The following WASF3 variants were observed in gnomAD, a reference collection of about 807,000 sequenced individuals.
WASF3 encodes actin-binding protein WASF3.
In WASF3, 11 loss-of-function variants were observed where a neutral mutation model predicts 46.6. The ratio of observed to expected loss-of-function variants is 0.24; its 90% confidence interval spans 0.15 to 0.39. The LOEUF is 0.39. Among genes scored for constraint, WASF3 ranks in the 10% least tolerant of loss-of-function variants. The pLI is 1.00. For missense variants in WASF3, 576 were observed against 669.8 expected, an observed-to-expected ratio of 0.86 and a Z score of 1.55; for synonymous variants, 242 against 259.7, an observed-to-expected ratio of 0.93 and a Z score of 0.65.
chr13:26,650,968 T>A (rs9507754), intron 3 of WASF3, among the ~76,000 whole-genome samples: 71,957 of 151,974 alleles, frequency 0.47, 18,010 homozygotes, highest in Non-Finnish European at 0.57. Flanking sequence ...AGAGCAGAAG[T>A]AGTAATGGAA....
At chr13:26,668,580 C>T (rs1179213820) in intron 5 of WASF3, among the ~76,000 whole-genome samples, 1 of 152,248 alleles carries the variant, frequency 6.6e-6, no homozygotes, top group Non-Finnish European at 1.5e-5. Context: ...CCCTTTGGCC[C>T]ATCTCAGGGA....
At chr13:26,563,494 A>G (rs980212529) in intron 1 of WASF3, among the ~76,000 whole-genome samples, 3 of 152,036 alleles carry the variant, frequency 2.0e-5, no homozygotes, top group African/African-American at 7.2e-5. Context: ...GTCTCTACTA[A>G]AAATACAAAA....
chr13:26,552,450 T>TG, the WASF3 span, among the ~76,000 whole-genome samples: 962 of 152,332 alleles, frequency 6.3e-3, 14 homozygotes, highest in African/African-American at 0.022. Context: ...ATTTTATTCT[T>TG]TGAGACGTAG....
upstream of WASF3, among the ~76,000 whole-genome samples, chr13:26,557,356 A>G (rs1029308877): frequency 1.3e-5 from 2 of 152,178 alleles, no homozygotes; most frequent in Admixed American, 6.5e-5. Context: ...GCGCAAACTC[A>G]AAGGTACTGT....
At chr13:26,616,509 C>T (rs1458580170) in intron 2 of WASF3, among the ~76,000 whole-genome samples, 1 of 152,056 alleles carries the variant, frequency 6.6e-6, no homozygotes, top group African/African-American at 2.4e-5. Context: ...AGATCTTTAT[C>T]AGATATATGA....
rs73164197 is a variant in WASF3, at chr13:26,559,453, A to G, written c.-109+1634A>G. Among the ~76,000 whole-genome samples the G allele has an allele frequency of 9.7e-3, 1,475 of 152,340 alleles. 15 individuals are homozygous for G. Among genetic ancestry groups the G allele is most frequent in the South Asian group, 0.02 (97 of 4,822 alleles). On this transcript the variant is annotated intron_variant, in intron 1 of 9. Transcript: ENST00000335327. ...CTAATAGTCAATGATGTGCTTCACT[A>G]TCTTCAACAATTACGAAAACAAAGG...
intron 2 of WASF3, among the ~76,000 whole-genome samples, chr13:26,619,206 A>G (rs990151955): frequency 6.6e-6 from 1 of 152,248 alleles, no homozygotes; most frequent in Non-Finnish European, 1.5e-5. Flanking sequence ...CAACCTGCTT[A>G]TAAGTGTCTC....
Position 26,665,144 on chromosome 13 carries a change from G to A in WASF3, c.250G>A (p.Asp84Asn). 6.2e-7 allele frequency: 1 copy of A among 1,614,002 alleles called. No homozygotes were observed. The highest frequency in any genetic ancestry group is 1.1e-5 in the South Asian group (1 of 91,078). The change falls in exon 4 of 10, where the codon GAT becomes AAT. Residue 84 changes from aspartate (D) to asparagine (N), a missense_variant. Around this residue, in one of 3 missense-constraint regions of WASF3, gnomAD observed 213 missense variants for 278.0 expected, o/e 0.77. Transcript: ENST00000335327. ...DRLAVKVTQL[D>N]STVEEVSLQD... ...CCTTGCTGTCAAAGTCACCCAGCTG[G>A]ATTCAACAGTGGAAGAGGGTAGGTA...
rs1374582155 is a variant in WASF3 at position 26,687,796 on chromosome 13, A to C, written c.*1951A>C. 4.7e-5 allele frequency: 7 copies of C among 147,424 alleles called. No individual in the cohort carries two copies. Among genetic ancestry groups the C allele is most frequent in the Admixed American group, 4.7e-4 (7 of 14,750 alleles). The allele number at this position is 147,424 out of a possible 1,614,324, so 9.1% of individuals were successfully genotyped here. The stretch of plus-strand genomic sequence containing the variant: ...TATTCTTAGGACTTCTGCAACTTTT[A>C]AAGTCTTACTTGTCTTTCTTGTTGC... On this transcript the variant is annotated 3_prime_UTR_variant, in exon 10 of 10. Transcript: ENST00000335327.
At chr13:26,662,501 A>G (rs1314892514) in intron 3 of WASF3, among the ~76,000 whole-genome samples, 2 of 152,248 alleles carry the variant, frequency 1.3e-5, no homozygotes, top group Non-Finnish European at 2.9e-5. Context: ...TTGCAGCAAC[A>G]TGGATGCAGC....
chr13:26,559,955 G>C (rs1318565510), intron 1 of WASF3, among the ~76,000 whole-genome samples: 1 of 150,854 alleles, frequency 6.6e-6, no homozygotes, highest in Non-Finnish European at 1.5e-5. Context: ...GTAGCTGGGA[G>C]TACAGGCGCC....
At chr13:26,592,843 C>T (rs561244872) in intron 1 of WASF3, among the ~76,000 whole-genome samples, 7 of 152,064 alleles carry the variant, frequency 4.6e-5, no homozygotes, top group African/African-American at 1.7e-4. Context: ...GCTGTGTATG[C>T]GTGTGCCTGT....
At chr13:26,654,371 A>G (rs766565161) in intron 3 of WASF3, among the ~76,000 whole-genome samples, 4 of 152,172 alleles carry the variant, frequency 2.6e-5, no homozygotes, top group Non-Finnish European at 4.4e-5. Flanking sequence ...TGACCACTGA[A>G]ATACCACCAC....
At chr13:26,596,994 T>C (rs142006911) in intron 1 of WASF3, among the ~76,000 whole-genome samples, 36 of 152,358 alleles carry the variant, frequency 2.4e-4, no homozygotes, top group African/African-American at 7.5e-4. Context: ...CACCTGCTCA[T>C]CTTTCTCACT....
At chr13:26,584,060 G>GA (rs1880059483) in intron 1 of WASF3, among the ~76,000 whole-genome samples, 1 of 152,146 alleles carries the variant, frequency 6.6e-6, no homozygotes, top group Non-Finnish European at 1.5e-5. Context: ...CCCTGGAGGG[G>GA]AAAAAGATAC....
intron 2 of WASF3, among the ~76,000 whole-genome samples, chr13:26,636,792 C>T (rs1156431102): frequency 6.6e-6 from 1 of 152,244 alleles, no homozygotes; most frequent in African/African-American, 2.4e-5. Flanking sequence ...GCTGCCGTGT[C>T]ATGCAGTCTG....
intron 9 of WASF3, among the ~76,000 whole-genome samples, chr13:26,683,927 A>G (rs1303596279): frequency 1.3e-5 from 2 of 152,166 alleles, no homozygotes; most frequent in African/African-American, 2.4e-5. Context: ...CTGACATGTT[A>G]TGGGAATATC....
chr13:26,601,027 G>A (rs182235173), intron 1 of WASF3, among the ~76,000 whole-genome samples: 1 of 152,290 alleles, frequency 6.6e-6, no homozygotes, highest in East Asian at 1.9e-4. Flanking sequence ...TCATGGTTTT[G>A]TGGGTTTATA....
At chr13:26,552,533 G>C in the WASF3 span, among the ~76,000 whole-genome samples, 2 of 152,108 alleles carry the variant, frequency 1.3e-5, no homozygotes. Context: ...AAGAAAGCTC[G>C]GGTAAGTGAA....
Sources: allele counts gnomAD v4.1 joint callset (sites outside exome capture counted in the v4.1 genomes callset), GRCh38; gene constraint gnomAD v4.1.1; regional missense constraint gnomAD v4.1.1; transcripts MANE v1.5; gene names NCBI Gene and HGNC (gene_info 2026-07-23, HGNC 2026-07-21).